Variants in SLC9A9 observed in about 807,000 individuals in gnomAD.
The protein encoded by SLC9A9 is solute carrier family 9 member A9, also known as sodium/hydrogen exchanger 9.
SLC9A9 carries 62 observed loss-of-function variants against 77.8 expected under a neutral mutation model. That is an observed-to-expected ratio of 0.80 (90% confidence interval 0.65 to 0.98). The LOEUF (loss-of-function observed/expected upper bound fraction) is 0.98, where lower values mean the gene tolerates loss of function less well. SLC9A9 is among the 50% of genes least tolerant of loss of function. SLC9A9 has a pLI of 0.00. For missense variants in SLC9A9, 775 were observed against 774.9 expected (o/e 1.00, Z 0.00); for synonymous variants, 320 against 283.5 (o/e 1.13, Z -1.29).
At chr3:143,765,093 C>G (rs550260861) in intron 4 of SLC9A9, among the ~76,000 whole-genome samples, 2 of 144,234 alleles carry the variant, frequency 1.4e-5, no homozygotes, top group South Asian at 4.4e-4. Context: ...TTCTTTCTCT[C>G]TTTCTTTCTT....
chr3:143,277,114 A>AT (rs1431489358), intron 14 of SLC9A9, among the ~76,000 whole-genome samples: 1 of 152,216 alleles, frequency 6.6e-6, no homozygotes. Flanking sequence ...TGGTTGGAAA[A>AT]GTTAAAGGAA....
chr3:143,500,418 G>A (rs1218623733), intron 9 of SLC9A9, among the ~76,000 whole-genome samples: 4 of 152,056 alleles, frequency 2.6e-5, no homozygotes, highest in African/African-American at 7.2e-5. Flanking sequence ...TTGGCTTGTC[G>A]ATTTTTCTGT....
intron 4 of SLC9A9, among the ~76,000 whole-genome samples, chr3:143,776,330 A>G (rs1226942799): frequency 1.3e-5 from 2 of 152,176 alleles, no homozygotes; most frequent in African/African-American, 4.8e-5. Flanking sequence ...TTTTTCCTTC[A>G]TCTATTCAAA....
chr3:143,723,226 T>A (rs1374544186), intron 4 of SLC9A9, among the ~76,000 whole-genome samples: 1 of 152,080 alleles, frequency 6.6e-6, no homozygotes, highest in Non-Finnish European at 1.5e-5. Flanking sequence ...AAAGATTGCT[T>A]TTAGAAATCA....
At chr3:143,308,710 C>T (rs144610393) in intron 14 of SLC9A9, among the ~76,000 whole-genome samples, 1 of 152,182 alleles carries the variant, frequency 6.6e-6, no homozygotes, top group East Asian at 1.9e-4. Flanking sequence ...GATAATAATA[C>T]CCATAATTGA....
chr3:143,660,409 C>T (rs556214850), intron 5 of SLC9A9, among the ~76,000 whole-genome samples: 1 of 152,262 alleles, frequency 6.6e-6, no homozygotes, highest in Non-Finnish European at 1.5e-5. Context: ...CAACTTTCAG[C>T]CCCAAGGAAA....
intron 5 of SLC9A9, among the ~76,000 whole-genome samples, chr3:143,692,761 G>T (rs1015081918): frequency 2.6e-5 from 4 of 152,144 alleles, no homozygotes; most frequent in Non-Finnish European, 5.9e-5. Context: ...ATTGGAAGAA[G>T]AATAATTTTC....
chr3:143,419,119 A>G (rs1416682089), intron 12 of SLC9A9, among the ~76,000 whole-genome samples: 7 of 152,082 alleles, frequency 4.6e-5, no homozygotes, highest in Non-Finnish European at 7.4e-5. Context: ...AGTTTATGTG[A>G]CTTTGGTTAC....
intron 14 of SLC9A9, among the ~76,000 whole-genome samples, chr3:143,331,594 G>A (rs1460277452): frequency 6.6e-6 from 1 of 152,194 alleles, no homozygotes; most frequent in East Asian, 1.9e-4. Context: ...GGTGGCAGCA[G>A]TGCCTGTAGA....
chr3:143,764,820 T>A (rs1392418971), intron 4 of SLC9A9, among the ~76,000 whole-genome samples: 1 of 152,124 alleles, frequency 6.6e-6, no homozygotes, highest in Non-Finnish European at 1.5e-5. Flanking sequence ...CAAGAGATCC[T>A]CCCACTGTGG....
intron 8 of SLC9A9, among the ~76,000 whole-genome samples, chr3:143,558,807 T>A (rs1419068238): frequency 1.3e-5 from 2 of 152,152 alleles, no homozygotes; most frequent in Non-Finnish European, 2.9e-5. Context: ...TTTGGGGGAC[T>A]GTTGGAAGGG....
chr3:143,518,184 A>T, intron 9 of SLC9A9: 1 of 1,599,232 alleles, frequency 6.3e-7, no homozygotes, highest in South Asian at 1.1e-5. Flanking sequence ...TCCTCCTTAC[A>T]CATTTTCACA....
At chr3:143,312,567 T>C (rs1447375371) in intron 14 of SLC9A9, among the ~76,000 whole-genome samples, 1 of 152,228 alleles carries the variant, frequency 6.6e-6, no homozygotes, top group Non-Finnish European at 1.5e-5. Flanking sequence ...TCATCCTGCT[T>C]TTCTTTCTAG....
chr3:143,507,024 C>CT (rs548743212), intron 9 of SLC9A9, among the ~76,000 whole-genome samples: 76 of 151,898 alleles, frequency 5.0e-4, no homozygotes, highest in African/African-American at 1.7e-3. Context: ...TTTTCTTTAA[C>CT]TTTTTTTATT....
intron 6 of SLC9A9, among the ~76,000 whole-genome samples, chr3:143,625,722 A>G (rs934036517): frequency 1.8e-4 from 27 of 152,232 alleles, no homozygotes; most frequent in African/African-American, 6.3e-4. Context: ...CTTCATGTCT[A>G]AAACACTAAA....
Position 143,552,414 on chromosome 3 carries a change from G to A in SLC9A9, c.1037C>T (p.Ala346Val), listed in dbSNP as rs1042997272. The part of the protein sequence containing the change: ...VAVLFCGVTQ[A>V]HYTYNNLSSD... ...AGACAGATTGTTGTAGGTATAATGT[G>A]CTTGTGTGACTCCACAGAAGAGAAC... Residue 346 changes from alanine to valine, a missense_variant, in exon 9 of 16, where the codon GCA (alanine) becomes GTA (valine). Coordinates refer to ENST00000316549, the MANE Select transcript of SLC9A9 (RefSeq NM_173653.4). 1 of 1,613,158 alleles carries A rather than the reference G, an allele frequency of 6.2e-7. No homozygotes were observed. The highest frequency in any genetic ancestry group is 1.7e-5 in the Admixed American group (1 of 59,986).
chr3:143,644,049 C>T (rs996040071), intron 6 of SLC9A9, among the ~76,000 whole-genome samples: 2 of 151,560 alleles, frequency 1.3e-5, no homozygotes, highest in Non-Finnish European at 2.9e-5. Flanking sequence ...TATCTATCTG[C>T]ACCATGAAAG....
At chr3:143,541,428 G>A (rs959990610) in intron 9 of SLC9A9, among the ~76,000 whole-genome samples, 7 of 152,252 alleles carry the variant, frequency 4.6e-5, no homozygotes, top group Middle Eastern at 3.4e-3. Context: ...GCAACCTCAC[G>A]AGACCCTGAG....
intron 2 of SLC9A9, among the ~76,000 whole-genome samples, chr3:143,804,046 G>C (rs2008642539): frequency 1.3e-5 from 2 of 151,990 alleles, no homozygotes; most frequent in Admixed American, 1.3e-4. Flanking sequence ...TACTATTCCT[G>C]TGGCCGCTCC....
Sources: allele counts gnomAD v4.1 joint callset (sites outside exome capture counted in the v4.1 genomes callset), GRCh38; gene constraint gnomAD v4.1.1; transcripts MANE v1.5; gene names NCBI Gene and HGNC (gene_info 2026-07-23, HGNC 2026-07-21).